The following UCHL5 variants were observed in gnomAD, a reference collection of about 807,000 sequenced individuals.
The protein encoded by UCHL5 is ubiquitin carboxyl-terminal hydrolase isozyme L5.
UCHL5 carries 34 observed loss-of-function variants against 53.8 expected under a neutral mutation model. The ratio of observed to expected loss-of-function variants is 0.63; its 90% CI spans 0.48 to 0.84. The LOEUF is 0.84. Among genes scored for constraint, UCHL5 ranks in the 40% least tolerant of loss-of-function variants. The pLI, the probability that UCHL5 is intolerant of heterozygous loss-of-function variation, is 0.00. For missense variants in UCHL5, 290 were observed against 385.6 expected (o/e 0.75, Z 2.08); for synonymous variants, 111 against 126.3 (o/e 0.88, Z 0.81).
upstream of UCHL5, chr1:193,059,486 C>T (rs1372903869): frequency 1.9e-6 from 3 of 1,603,690 alleles, no homozygotes; most frequent in Admixed American, 1.7e-5. This position sits in a 1 kb window ranked among gnomAD's most constrained non-coding sequence, Gnocchi z 4.9. Flanking sequence ...GGCCTTGCAG[C>T]ACCCGTAGCG....
At chr1:193,032,447 C>T (rs901321618) in intron 3 of UCHL5, among the ~76,000 whole-genome samples, 2 of 152,058 alleles carry the variant, frequency 1.3e-5, no homozygotes, top group Non-Finnish European at 2.9e-5. Flanking sequence ...TAGGCAATAC[C>T]ATTCAGGACA....
intron 3 of UCHL5, among the ~76,000 whole-genome samples, chr1:193,029,934 T>C (rs1660749860): frequency 6.6e-6 from 1 of 152,196 alleles, no homozygotes; most frequent in Non-Finnish European, 1.5e-5. Flanking sequence ...ATCATCCTGA[T>C]GGAAAACATA....
intron 1 of UCHL5, among the ~76,000 whole-genome samples, chr1:193,056,749 A>G (rs1002170088): frequency 6.6e-5 from 10 of 152,240 alleles, no homozygotes; most frequent in African/African-American, 2.4e-4. Context: ...TCATTTTTGA[A>G]AGAATCAACA....
intron 3 of UCHL5, among the ~76,000 whole-genome samples, chr1:193,045,631 T>C (rs1667101800): frequency 6.6e-6 from 1 of 152,190 alleles, no homozygotes; most frequent in Non-Finnish European, 1.5e-5. Flanking sequence ...TTAAACCTTT[T>C]CTTTATAAAT....
intron 6 of UCHL5, among the ~76,000 whole-genome samples, chr1:193,028,362 G>A (rs1660116605): frequency 6.6e-6 from 1 of 152,096 alleles, no homozygotes; most frequent in Non-Finnish European, 1.5e-5. Flanking sequence ...GAGGCAGCAT[G>A]TAAATCTGCA....
intron 3 of UCHL5, 59 bp downstream of exon 3, chr1:193,049,685 TAG>T (rs2102830037): frequency 1.5e-6 from 2 of 1,350,826 alleles, no homozygotes; most frequent in East Asian, 4.7e-5. Context: ...AGTAGTAAAC[TAG>T]AGTCTTGTTT....
chr1:193,017,770 CAATT>C (rs975163693), intron 10 of UCHL5, among the ~76,000 whole-genome samples: 7 of 151,480 alleles, frequency 4.6e-5, no homozygotes, highest in East Asian at 1.9e-4. Flanking sequence ...ATAATTATCA[CAATT>C]AATTGAGCAC....
At chr1:193,018,409 C>A (rs1035151155) in intron 10 of UCHL5, 2 of 608,540 alleles carry the variant, frequency 3.3e-6, no homozygotes, top group Non-Finnish European at 4.1e-6. Flanking sequence ...CAAATGTAAT[C>A]TTAAACTAGA....
At chr1:193,038,412 G>A (rs1258153295) in intron 3 of UCHL5, among the ~76,000 whole-genome samples, 4 of 146,560 alleles carry the variant, frequency 2.7e-5, no homozygotes, top group African/African-American at 5.1e-5. Context: ...CCGAGATCGC[G>A]CCACTGCACT....
At chr1:193,032,074 C>T (rs766970549) in intron 3 of UCHL5, among the ~76,000 whole-genome samples, 77 of 152,262 alleles carry the variant, frequency 5.1e-4, no homozygotes, top group Middle Eastern at 6.8e-3. Context: ...CACTTCTACT[C>T]TCTACTTCTT....
chr1:193,017,431 G>C (rs1202629854), intron 10 of UCHL5, among the ~76,000 whole-genome samples: 1 of 151,630 alleles, frequency 6.6e-6, no homozygotes, highest in Non-Finnish European at 1.5e-5. Flanking sequence ...GAATGAATAA[G>C]AGCAAATAGT....
At chr1:193,054,874 A>G (rs1670130277) in intron 1 of UCHL5, among the ~76,000 whole-genome samples, 2 of 152,184 alleles carry the variant, frequency 1.3e-5, no homozygotes, top group African/African-American at 4.8e-5. Context: ...TCCTCCTTGC[A>G]TGACAAGGTG....
intron 3 of UCHL5, among the ~76,000 whole-genome samples, chr1:193,043,729 T>C (rs1392933026): frequency 6.6e-6 from 1 of 152,194 alleles, no homozygotes; most frequent in Non-Finnish European, 1.5e-5. Context: ...CAGGTCTATG[T>C]GACCAAGGCC....
At chr1:193,027,019 A>C (rs1023861891) in intron 7 of UCHL5, among the ~76,000 whole-genome samples, 3 of 152,242 alleles carry the variant, frequency 2.0e-5, no homozygotes, top group Admixed American at 6.5e-5. Flanking sequence ...TAAAATTCAT[A>C]TATAACATTC....
intron 1 of UCHL5, among the ~76,000 whole-genome samples, chr1:193,054,027 A>AT (rs1321245441): frequency 6.6e-6 from 1 of 151,916 alleles, no homozygotes; most frequent in Non-Finnish European, 1.5e-5. Context: ...GTTACCAAAA[A>AT]AAAAAAAAAA....
intron 7 of UCHL5, 22 bp downstream of exon 7, chr1:193,028,063 A>G: frequency 6.3e-7 from 1 of 1,599,996 alleles, no homozygotes; most frequent in Non-Finnish European, 8.5e-7. Context: ...TATTATGCCA[A>G]TGAGATTAGC....
chr1:193,028,277 AGT>A, intron 6 of UCHL5, 129 bp from the exon 7 acceptor site: 1 of 680,694 alleles, frequency 1.5e-6, no homozygotes. Context: ...AACTCTTTTT[AGT>A]ATAATTATGT....
intron 3 of UCHL5, among the ~76,000 whole-genome samples, chr1:193,049,312 G>A (rs1668302991): frequency 6.6e-6 from 1 of 152,146 alleles, no homozygotes; most frequent in Admixed American, 6.5e-5. Flanking sequence ...TTCTTGGGAG[G>A]CTGAGGCAGG....
chr1:193,043,172 A>AAAAG (rs1666255088), intron 3 of UCHL5, among the ~76,000 whole-genome samples: 6 of 145,846 alleles, frequency 4.1e-5, no homozygotes, highest in Admixed American at 3.4e-4. Context: ...AAAAAAAAAA[A>AAAAG]AAAACCACCT....
Sources: allele counts gnomAD v4.1 joint callset (sites outside exome capture counted in the v4.1 genomes callset), GRCh38; gene constraint gnomAD v4.1.1; non-coding constraint Gnocchi (gnomAD v3.1); transcripts MANE v1.5; gene names NCBI Gene and HGNC (gene_info 2026-07-23, HGNC 2026-07-21).